Variants in EEIG1 observed in about 807,000 individuals in gnomAD.
The protein encoded by EEIG1 is estrogen-induced osteoclastogenesis regulator 1, also known as early estrogen-induced gene 1 protein.
chr9:127,952,188 G>C, the EEIG1 span, among the ~76,000 whole-genome samples: 1 of 152,234 alleles, frequency 6.6e-6, no homozygotes, highest in Non-Finnish European at 1.5e-5. Context: ...CCACAGCCTG[G>C]TTCTAGCCAT....
At chr9:127,969,780 C>T in the EEIG1 span, among the ~76,000 whole-genome samples, 12 of 152,154 alleles carry the variant, frequency 7.9e-5, no homozygotes, top group Non-Finnish European at 1.5e-4. Context: ...CAGGTCAGAA[C>T]GGTTCAGGCT....
chr9:127,953,877 G>A, the EEIG1 span: 4 of 1,613,950 alleles, frequency 2.5e-6, no homozygotes, highest in Non-Finnish European at 3.4e-6. Context: ...TCTTACACAC[G>A]AAGGTGAACC....
the EEIG1 span, among the ~76,000 whole-genome samples, chr9:127,958,150 G>A: frequency 6.6e-6 from 1 of 152,208 alleles, no homozygotes; most frequent in African/African-American, 2.4e-5. Context: ...AGAATGAAGT[G>A]CGTGTGTGAG....
At chr9:127,944,377 G>C in the EEIG1 span, 4 of 593,788 alleles carry the variant, frequency 6.7e-6, no homozygotes, top group Non-Finnish European at 1.2e-5. Context: ...GTGACCTTGT[G>C]AACTGTGGGA....
chr9:127,974,890 G>A, the EEIG1 span, among the ~76,000 whole-genome samples: 1 of 152,202 alleles, frequency 6.6e-6, no homozygotes, highest in Admixed American at 6.5e-5. Flanking sequence ...AGCCTCCAGA[G>A]CTCCTGCTCT....
the EEIG1 span, among the ~76,000 whole-genome samples, chr9:127,978,205 C>T: frequency 3.3e-5 from 5 of 152,222 alleles, no homozygotes; most frequent in Non-Finnish European, 7.3e-5. Flanking sequence ...ATTCCTAAAT[C>T]TGAGCCTGGC....
the EEIG1 span, among the ~76,000 whole-genome samples, chr9:127,975,532 G>A: frequency 6.6e-6 from 1 of 152,138 alleles, no homozygotes; most frequent in Non-Finnish European, 1.5e-5. Context: ...TAAGACACAG[G>A]GGACAGAGGT....
At chr9:127,973,399 G>A in the EEIG1 span, among the ~76,000 whole-genome samples, 1 of 152,188 alleles carries the variant, frequency 6.6e-6, no homozygotes, top group Admixed American at 6.5e-5. The surrounding 1 kb of genome is among the most constrained non-coding windows in gnomAD (Gnocchi z 4.2). Flanking sequence ...TGTGGTTGCT[G>A]CTAAGAGCCT....
At chr9:127,966,709 G>A in the EEIG1 span, among the ~76,000 whole-genome samples, 1 of 152,232 alleles carries the variant, frequency 6.6e-6, no homozygotes, top group Non-Finnish European at 1.5e-5. Context: ...ATGCACCTGG[G>A]CAAAGATGCC....
chr9:127,965,678 G>A, the EEIG1 span, among the ~76,000 whole-genome samples: 1 of 152,258 alleles, frequency 6.6e-6, no homozygotes, highest in East Asian at 1.9e-4. Context: ...GTTCCCGGCT[G>A]ATGAAACCCA....
chr9:127,955,905 G>A, the EEIG1 span, among the ~76,000 whole-genome samples: 7 of 152,336 alleles, frequency 4.6e-5, no homozygotes, highest in South Asian at 2.1e-4. Flanking sequence ...GGGGCACACC[G>A]CCCCTGTCGT....
the EEIG1 span, among the ~76,000 whole-genome samples, chr9:127,972,851 A>T: frequency 6.6e-6 from 1 of 152,148 alleles, no homozygotes; most frequent in Non-Finnish European, 1.5e-5. The surrounding 1 kb of genome is among the most constrained non-coding windows in gnomAD (Gnocchi z 4.3). Flanking sequence ...AGGGTTTGCC[A>T]CCACAGCCCT....
the EEIG1 span, chr9:127,980,226 A>C: frequency 4.3e-6 from 6 of 1,394,836 alleles, no homozygotes; most frequent in African/African-American, 1.5e-5. Context: ...CCCTCCTCAA[A>C]ACACCAGAGC....
the EEIG1 span, among the ~76,000 whole-genome samples, chr9:127,972,191 G>T: frequency 2.6e-5 from 4 of 152,068 alleles, no homozygotes; most frequent in African/African-American, 9.7e-5. This position sits in a 1 kb window ranked among gnomAD's most constrained non-coding sequence, Gnocchi z 4.3. Context: ...ACTCACCCTG[G>T]CTCACAGCCA....
the EEIG1 span, chr9:127,944,664 C>T: frequency 4.3e-6 from 7 of 1,612,676 alleles, no homozygotes; most frequent in Non-Finnish European, 5.1e-6. Flanking sequence ...TCGCGGCTCA[C>T]GAACAGCCGG....
At chr9:127,944,955 C>G in the EEIG1 span, 1 of 1,573,624 alleles carries the variant, frequency 6.4e-7, no homozygotes, top group Non-Finnish European at 8.6e-7. Context: ...CAGGTACAAG[C>G]ACAGAACGAC....
chr9:127,948,651 G>A, the EEIG1 span, among the ~76,000 whole-genome samples: 2 of 152,240 alleles, frequency 1.3e-5, no homozygotes, highest in African/African-American at 4.8e-5. Flanking sequence ...GGAGGGCATA[G>A]CAAGGTGAGG....
At chr9:127,945,303 C>A in the EEIG1 span, 1 of 1,294,760 alleles carries the variant, frequency 7.7e-7, no homozygotes, top group Non-Finnish European at 1.1e-6. The surrounding 1 kb of genome is among the most constrained non-coding windows in gnomAD (Gnocchi z 6.5). Context: ...GGTAAAGAAG[C>A]GGAGGTTCAA....
At chr9:127,954,409 T>A in the EEIG1 span, among the ~76,000 whole-genome samples, 1 of 152,220 alleles carries the variant, frequency 6.6e-6, no homozygotes, top group Non-Finnish European at 1.5e-5. Context: ...AGCCAGTAGA[T>A]AGCTGAGCTG....
Sources: gnomAD v4.1 joint callset for allele counts (sites outside exome capture counted in the v4.1 genomes callset) on GRCh38, gnomAD v4.1.1 for gene constraint, Gnocchi (gnomAD v3.1) non-coding constraint, MANE v1.5 for transcripts, NCBI Gene and HGNC (gene_info 2026-07-23, HGNC 2026-07-21) for gene names.